The following CPQ variants were observed in gnomAD, a reference collection of about 807,000 sequenced individuals.
CPQ encodes carboxypeptidase Q.
CPQ carries 37 observed loss-of-function variants against 45.7 expected under a neutral mutation model. The observed-to-expected ratio is 0.81, with a 90% CI of 0.62 to 1.07. CPQ has a LOEUF of 1.07. Ranked by LOEUF, CPQ falls within the 50% of genes least tolerant of loss-of-function variation. The pLI is 0.00. For synonymous variants in CPQ, 186 were observed against 205.8 expected, an observed-to-expected ratio of 0.90 and a Z score of 0.82; for missense variants, 537 against 572.9, an observed-to-expected ratio of 0.94 and a Z score of 0.64.
intron 4 of CPQ, among the ~76,000 whole-genome samples, chr8:96,949,571 C>T (rs965558940): frequency 1.3e-5 from 2 of 152,062 alleles, no homozygotes; most frequent in Non-Finnish European, 2.9e-5. Context: ...TGATTCTGTG[C>T]CTGGGTCTGA....
chr8:97,070,847 A>G (rs1306113641), intron 7 of CPQ, among the ~76,000 whole-genome samples: 1 of 152,170 alleles, frequency 6.6e-6, no homozygotes, highest in Non-Finnish European at 1.5e-5. Flanking sequence ...ATTCTCCTAT[A>G]TGAGCTCCAG....
At chr8:97,089,258 A>AG (rs1484176295) in intron 7 of CPQ, among the ~76,000 whole-genome samples, 74 of 151,456 alleles carry the variant, frequency 4.9e-4, no homozygotes, top group Middle Eastern at 3.4e-3. Flanking sequence ...AAAAAAAAAA[A>AG]AGAGAAAAGA....
At chr8:96,776,882 A>T (rs559603768) in intron 1 of CPQ, among the ~76,000 whole-genome samples, 4 of 152,288 alleles carry the variant, frequency 2.6e-5, no homozygotes, top group Admixed American at 2.6e-4. Flanking sequence ...ATGGGTTTTT[A>T]AAAAAATAGT....
At chr8:96,881,927 G>A (rs964813688) in intron 4 of CPQ, among the ~76,000 whole-genome samples, 1 of 152,126 alleles carries the variant, frequency 6.6e-6, no homozygotes, top group African/African-American at 2.4e-5. Context: ...TCATGCATTT[G>A]TTATTGAAAT....
chr8:96,768,226 A>G (rs1452301575), intron 1 of CPQ, among the ~76,000 whole-genome samples: 1 of 151,158 alleles, frequency 6.6e-6, no homozygotes, highest in Non-Finnish European at 1.5e-5. Flanking sequence ...TTTTACATTG[A>G]CTGATTAAGC....
intron 4 of CPQ, among the ~76,000 whole-genome samples, chr8:96,924,382 T>C (rs1812845910): frequency 6.6e-6 from 1 of 152,232 alleles, no homozygotes; most frequent in African/African-American, 2.4e-5. Flanking sequence ...TCCCTTTCTC[T>C]ACAACCTCTT....
chr8:96,912,396 A>G (rs929820976), intron 4 of CPQ, among the ~76,000 whole-genome samples: 78 of 152,254 alleles, frequency 5.1e-4, no homozygotes, highest in African/African-American at 1.7e-3. Flanking sequence ...TATGTGCCAA[A>G]TACAACTTCG....
At chr8:97,126,579 A>G (rs1811850972) in intron 7 of CPQ, among the ~76,000 whole-genome samples, 1 of 152,230 alleles carries the variant, frequency 6.6e-6, no homozygotes. Context: ...GCAAGGTCAC[A>G]ATATACAAAA....
chr8:96,922,123 G>A (rs1040102155), intron 4 of CPQ, among the ~76,000 whole-genome samples: 8 of 152,090 alleles, frequency 5.3e-5, no homozygotes, highest in African/African-American at 1.9e-4. Flanking sequence ...CCAGAGACCT[G>A]TGTTGTTCTT....
intron 4 of CPQ, among the ~76,000 whole-genome samples, chr8:96,930,166 C>G (rs1160044311): frequency 6.6e-6 from 1 of 152,118 alleles, no homozygotes. Context: ...CACATGAGCC[C>G]AAGATCAAGG....
chr8:96,946,726 C>A (rs1339608858), intron 4 of CPQ, among the ~76,000 whole-genome samples: 1 of 151,956 alleles, frequency 6.6e-6, no homozygotes, highest in Non-Finnish European at 1.5e-5. Context: ...GCCACTTAAT[C>A]TAACTTGTGA....
chr8:96,714,819 T>C lies in CPQ; in HGVS notation c.-35+69417T>C, dbSNP rs147729726. Among the ~76,000 whole-genome samples, 1,256 of 152,296 alleles carry C rather than the reference T, an allele frequency of 8.2e-3. 21 individuals carry two copies. Among genetic ancestry groups the C allele is most frequent in the African/African-American group, 0.028 (1,160 of 41,586 alleles). ...TTGATTCTACTGTGTTTTCTTTTTT[T>C]TCCCTCTTGATGATGCGACTTTAGT... On this transcript the variant is annotated intron_variant, in intron 1 of 7. Coordinates refer to ENST00000220763, the MANE Select transcript of CPQ (RefSeq NM_016134.4).
At chr8:96,702,008 A>C (rs1365247453) in intron 1 of CPQ, among the ~76,000 whole-genome samples, 2 of 152,160 alleles carry the variant, frequency 1.3e-5, no homozygotes, top group East Asian at 3.8e-4. Flanking sequence ...CTGGCTCCTA[A>C]TCTATTTCAC....
At chr8:96,663,953 A>G (rs571937160) in intron 1 of CPQ, among the ~76,000 whole-genome samples, 1 of 152,324 alleles carries the variant, frequency 6.6e-6, no homozygotes, top group East Asian at 1.9e-4. Flanking sequence ...TTAAAAAAAA[A>G]CTGTATGACC....
intron 1 of CPQ, among the ~76,000 whole-genome samples, chr8:96,667,351 C>CTTT (rs376559950): frequency 2.2e-5 from 3 of 134,998 alleles, no homozygotes; most frequent in East Asian, 2.1e-4. Context: ...TTATCTTTTT[C>CTTT]TTTTTTTTTT....
intron 1 of CPQ, among the ~76,000 whole-genome samples, chr8:96,744,774 A>G (rs1810152758): frequency 6.6e-6 from 1 of 152,142 alleles, no homozygotes; most frequent in Non-Finnish European, 1.5e-5. Flanking sequence ...GTCTGACAAT[A>G]TTTGTCTTTT....
chr8:96,791,389 A>G (rs1810843694), intron 2 of CPQ, among the ~76,000 whole-genome samples: 1 of 152,070 alleles, frequency 6.6e-6, no homozygotes, highest in Non-Finnish European at 1.5e-5. Context: ...TTTTTAAAGA[A>G]AGTTTTCTTA....
chr8:96,993,564 A>G (rs1312336003), intron 5 of CPQ, among the ~76,000 whole-genome samples: 1 of 152,170 alleles, frequency 6.6e-6, no homozygotes, highest in East Asian at 1.9e-4. Context: ...TGTTAAGGAT[A>G]TGAATCCTAA....
At chr8:96,692,874 G>A (rs930505017) in intron 1 of CPQ, among the ~76,000 whole-genome samples, 1 of 152,086 alleles carries the variant, frequency 6.6e-6, no homozygotes, top group Non-Finnish European at 1.5e-5. Context: ...ACCAATTCTG[G>A]AGATACAGAG....
Sources: gnomAD v4.1 joint callset for allele counts (sites outside exome capture counted in the v4.1 genomes callset) on GRCh38, gnomAD v4.1.1 for gene constraint, MANE v1.5 for transcripts, NCBI Gene and HGNC (gene_info 2026-07-23, HGNC 2026-07-21) for gene names.